Variants in ELAPOR2 observed in about 807,000 individuals in gnomAD.
The protein encoded by ELAPOR2 is endosome/lysosome-associated apoptosis and autophagy regulator family member 2.
A neutral mutation model predicts 120.7 loss-of-function variants in ELAPOR2; 89 were observed. That is an observed-to-expected ratio of 0.74 (90% CI 0.62 to 0.88). The LOEUF is 0.88. ELAPOR2 is among the 40% of genes least tolerant of loss of function. The pLI, the probability that ELAPOR2 is intolerant of heterozygous loss-of-function variation, is 0.00. For synonymous variants in ELAPOR2, 444 were observed against 444.9 expected (o/e 1.00, Z 0.03); for missense variants, 1,134 against 1,251.6 (o/e 0.91, Z 1.42).
intron 1 of ELAPOR2, among the ~76,000 whole-genome samples, chr7:86,985,503 G>A (rs1195114111): frequency 2.6e-5 from 4 of 152,098 alleles, no homozygotes; most frequent in African/African-American, 9.7e-5. Context: ...CAATCAAGTT[G>A]GCTTCAGCCC....
At chr7:86,990,213 A>AT (rs1482242899) in intron 1 of ELAPOR2, among the ~76,000 whole-genome samples, 9 of 151,698 alleles carry the variant, frequency 5.9e-5, no homozygotes, top group Non-Finnish European at 1.3e-4. Context: ...CGCCCAGCTA[A>AT]TTTTTTTGTA....
intron 1 of ELAPOR2, among the ~76,000 whole-genome samples, chr7:87,009,157 G>C (rs1049281043): frequency 6.6e-5 from 10 of 152,124 alleles, no homozygotes; most frequent in Admixed American, 2.6e-4. Context: ...TTATAGAATA[G>C]ATAAGACATA....
chr7:87,015,194 G>A (rs536584831), intron 1 of ELAPOR2, among the ~76,000 whole-genome samples: 1 of 152,070 alleles, frequency 6.6e-6, no homozygotes, highest in Non-Finnish European at 1.5e-5. Flanking sequence ...TTCAAAAAGT[G>A]CCTTTTAATT....
chr7:86,897,648 A>G lies in ELAPOR2; in HGVS notation c.2559-16T>C. On this transcript the variant is annotated splice_polypyrimidine_tract_variant and intron_variant, in intron 18 of 21. Transcript: ENST00000450689. ...TGGGCACTTGCTAAAATCATAAACA[A>G]AACCAAAAACACATAAGTGGCAGCT... is the stretch of plus-strand genomic sequence containing the variant. The G allele has an allele frequency of 1.9e-6, 3 of 1,612,580 alleles. No individual in the cohort carries two copies. The highest frequency in any genetic ancestry group is 2.5e-6 in the Non-Finnish European group (3 of 1,179,152).
chr7:87,014,334 C>T (rs1008055370), intron 1 of ELAPOR2, among the ~76,000 whole-genome samples: 5 of 152,110 alleles, frequency 3.3e-5, no homozygotes, highest in African/African-American at 7.2e-5. Flanking sequence ...TTGGCTAATT[C>T]AGTCTTCATG....
chr7:86,901,318 AC>A (rs1788715083), intron 18 of ELAPOR2, among the ~76,000 whole-genome samples: 1 of 152,180 alleles, frequency 6.6e-6, no homozygotes, highest in Admixed American at 6.5e-5. Context: ...ATTCACATTA[AC>A]CTTTTTTAGG....
chr7:86,891,512 C>G (rs955904846), intron 21 of ELAPOR2: 30 of 469,170 alleles, frequency 6.4e-5, no homozygotes, highest in African/African-American at 5.6e-4. Context: ...ATATCTAACT[C>G]CTTACTGATG....
At chr7:86,898,907 T>C (rs925704488) in intron 18 of ELAPOR2, among the ~76,000 whole-genome samples, 7 of 152,048 alleles carry the variant, frequency 4.6e-5, no homozygotes, top group African/African-American at 1.7e-4. Flanking sequence ...CTTTTAGAGG[T>C]AGGAGAAAGA....
At chr7:86,994,569 G>A (rs1388962492) in intron 1 of ELAPOR2, among the ~76,000 whole-genome samples, 2 of 152,128 alleles carry the variant, frequency 1.3e-5, no homozygotes, top group Non-Finnish European at 2.9e-5. Context: ...TTCATTTATG[G>A]TTCCTTAACA....
At chr7:86,908,596 T>C (rs1789147262) in intron 16 of ELAPOR2, 53 bp from the exon 17 acceptor site, 2 of 791,752 alleles carry the variant, frequency 2.5e-6, no homozygotes, top group East Asian at 5.4e-5. Flanking sequence ...TTAGTTTTAT[T>C]TGGTCTCCGT....
chr7:87,014,078 T>C (rs1011166138), intron 1 of ELAPOR2, among the ~76,000 whole-genome samples: 2 of 149,002 alleles, frequency 1.3e-5, no homozygotes, highest in African/African-American at 4.9e-5. Context: ...TCCCAGAACA[T>C]TGTACTGTCT....
At chr7:86,948,559 T>G (rs937392406) in intron 2 of ELAPOR2, among the ~76,000 whole-genome samples, 2 of 152,068 alleles carry the variant, frequency 1.3e-5, no homozygotes, top group Non-Finnish European at 2.9e-5. Context: ...AGCAGTGCAA[T>G]AGTTGAACAG....
chr7:86,916,866 T>G (rs1227601862), intron 12 of ELAPOR2, among the ~76,000 whole-genome samples: 1 of 151,522 alleles, frequency 6.6e-6, no homozygotes, highest in Admixed American at 6.6e-5. Context: ...CAGACTGCAG[T>G]GTAGTGGCAT....
intron 4 of ELAPOR2, 33 bp downstream of exon 4, chr7:86,944,866 A>G (rs1183668529): frequency 3.3e-6 from 5 of 1,501,266 alleles, no homozygotes; most frequent in Non-Finnish European, 4.4e-6. Flanking sequence ...AATGTCCCTT[A>G]AAAAGTAAAT....
At chr7:86,921,863 G>T (rs1789848810) in intron 10 of ELAPOR2, among the ~76,000 whole-genome samples, 1 of 152,068 alleles carries the variant, frequency 6.6e-6, no homozygotes, top group Non-Finnish European at 1.5e-5. Context: ...CAATATAAGT[G>T]CCTTAAGGGA....
At chr7:86,911,748 T>G (rs987308846) in intron 15 of ELAPOR2, 3 of 499,174 alleles carry the variant, frequency 6.0e-6, no homozygotes, top group Non-Finnish European at 1.2e-5. Flanking sequence ...CTCAAATAAC[T>G]TCCTGCCTAA....
chr7:86,956,814 A>C (rs1245090409), intron 2 of ELAPOR2, among the ~76,000 whole-genome samples: 3 of 152,222 alleles, frequency 2.0e-5, no homozygotes, highest in Admixed American at 2.0e-4. Context: ...GGTCAAGGGA[A>C]GAAAAATGTT....
chr7:86,925,726 C>G (rs1790035703), intron 9 of ELAPOR2, 70 bp from the exon 10 acceptor site: 3 of 1,350,348 alleles, frequency 2.2e-6, no homozygotes, highest in Admixed American at 1.7e-5. Context: ...TTCTCTGTTC[C>G]AAACACACTA....
chr7:86,894,936 T>C (rs2115870588), intron 19 of ELAPOR2, among the ~76,000 whole-genome samples: 1 of 152,204 alleles, frequency 6.6e-6, no homozygotes, highest in Admixed American at 6.6e-5. Flanking sequence ...AGCACTTCTA[T>C]CACAAGTTGT....
Sources: gnomAD v4.1 joint callset for allele counts (sites outside exome capture counted in the v4.1 genomes callset) on GRCh38, gnomAD v4.1.1 for gene constraint, MANE v1.5 for transcripts, NCBI Gene and HGNC (gene_info 2026-07-23, HGNC 2026-07-21) for gene names.